The following LDLRAD4 variants were observed in gnomAD, a reference collection of about 807,000 sequenced individuals.
The protein encoded by LDLRAD4 is low density lipoprotein receptor class A domain containing 4.
In LDLRAD4, 5 loss-of-function variants were observed where a neutral mutation model predicts 17.0. The observed-to-expected ratio is 0.29, with a 90% CI of 0.15 to 0.62. LDLRAD4 has a LOEUF of 0.62. Among genes scored for constraint, LDLRAD4 ranks in the 20% least tolerant of loss-of-function variants. The pLI, the probability that LDLRAD4 is intolerant of heterozygous loss-of-function variation, is 0.84. For missense variants in LDLRAD4, 340 were observed against 424.7 expected, an observed-to-expected ratio of 0.80 and a Z score of 1.75; for synonymous variants, 168 against 171.8, an observed-to-expected ratio of 0.98 and a Z score of 0.17.
chr18:13,511,208 T>G (rs1331049764), intron 3 of LDLRAD4, among the ~76,000 whole-genome samples: 1 of 152,006 alleles, frequency 6.6e-6, no homozygotes, highest in African/African-American at 2.4e-5. Flanking sequence ...TAGATCCTGT[T>G]TCTGAAAAGG....
Position 13,549,377 on chromosome 18 carries a change from C to T in LDLRAD4, c.182-71740C>T, listed in dbSNP as rs150612904. Among the ~76,000 whole-genome samples the T allele has an allele frequency of 6.6e-5, 10 of 152,128 alleles. No individual in the cohort carries two copies. In the East Asian group the frequency reaches 1.2e-3, roughly 18 times the overall value. On this transcript the variant is annotated intron_variant, in intron 3 of 5. Transcript: ENST00000359446. The stretch of plus-strand genomic sequence containing the variant: ...GAGATTGTGCAAGGATGAGGAATCA[C>T]GCTGGATAGTGGAGCTGCCATGGTC...
chr18:13,380,580 A>G (rs918390006), intron 1 of LDLRAD4, among the ~76,000 whole-genome samples: 2 of 152,172 alleles, frequency 1.3e-5, no homozygotes, highest in Non-Finnish European at 2.9e-5. Flanking sequence ...TAGACTTACT[A>G]ATGCATTAAG....
intron 3 of LDLRAD4, among the ~76,000 whole-genome samples, chr18:13,446,360 TA>T (rs1432529711): frequency 6.6e-6 from 1 of 152,198 alleles, no homozygotes; most frequent in African/African-American, 2.4e-5. Flanking sequence ...CATCAGTTCT[TA>T]AAAGGCTTGA....
At chr18:13,466,505 T>G (rs1424031580) in intron 3 of LDLRAD4, among the ~76,000 whole-genome samples, 1 of 140,614 alleles carries the variant, frequency 7.1e-6, no homozygotes, top group East Asian at 2.1e-4. Flanking sequence ...TCAAACAATA[T>G]AATATACCAC....
At chr18:13,378,255 C>T (rs1431731470) in intron 1 of LDLRAD4, among the ~76,000 whole-genome samples, 1 of 152,174 alleles carries the variant, frequency 6.6e-6, no homozygotes, top group Non-Finnish European at 1.5e-5. Context: ...AGGCAGCCTT[C>T]CCCTGAGTTC....
rs1037456419 is a variant in LDLRAD4 at position 13,398,074 on chromosome 18, G to C, written c.40+10312G>C. Among the ~76,000 whole-genome samples, 5 of 152,214 alleles carry C rather than the reference G, an allele frequency of 3.3e-5. No homozygotes were observed. The highest frequency in any genetic ancestry group is 1.2e-4 in the African/African-American group (5 of 41,452). On this transcript the variant is annotated intron_variant, in intron 2 of 5. Coordinates refer to ENST00000359446, the Ensembl canonical transcript of LDLRAD4. The surrounding 1 kb of genome is among the most constrained non-coding windows in gnomAD (Gnocchi z 4.8). Reference sequence around the variant, plus strand: ...ACCCTCCTTGAGGACGCAGTGGCCAGTGGGGGCCACCATGTCAGGGTTGAA... The same window carrying C: ...ACCCTCCTTGAGGACGCAGTGGCCACTGGGGGCCACCATGTCAGGGTTGAA...
intron 1 of LDLRAD4, among the ~76,000 whole-genome samples, chr18:13,336,474 C>T (rs2082108290): frequency 6.6e-6 from 1 of 151,962 alleles, no homozygotes; most frequent in African/African-American, 2.4e-5. Flanking sequence ...TGTAGGAATT[C>T]TTTTTATGCA....
intron 1 of LDLRAD4, among the ~76,000 whole-genome samples, chr18:13,376,580 G>A (rs147364124): frequency 6.6e-6 from 1 of 152,164 alleles, no homozygotes; most frequent in Non-Finnish European, 1.5e-5. Flanking sequence ...CTGCGGGTGA[G>A]GGCACAGCTC....
intron 3 of LDLRAD4, among the ~76,000 whole-genome samples, chr18:13,512,734 G>A (rs2093801820): frequency 6.6e-6 from 1 of 152,168 alleles, no homozygotes; most frequent in African/African-American, 2.4e-5. Flanking sequence ...CTGCATTTAT[G>A]TTTAACTTTA....
At chr18:13,650,232 G>C (rs1601921603) in exon 6 of LDLRAD4, 2 of 403,262 alleles carry the variant, frequency 5.0e-6, no homozygotes, top group Non-Finnish European at 8.7e-6. Context: ...TTACTGCCAG[G>C]GTCAGACAGT....
chr18:13,616,410 C>A (rs2040083609), intron 3 of LDLRAD4, among the ~76,000 whole-genome samples: 1 of 152,202 alleles, frequency 6.6e-6, no homozygotes, highest in Non-Finnish European at 1.5e-5. Context: ...CTGGGCCCTG[C>A]CTGGGGAGGC....
intron 4 of LDLRAD4, among the ~76,000 whole-genome samples, chr18:13,624,871 G>A (rs577101925): frequency 6.6e-6 from 1 of 152,224 alleles, no homozygotes; most frequent in Non-Finnish European, 1.5e-5. Flanking sequence ...TGTGCTCCAG[G>A]GCAAGGCGGC....
At chr18:13,238,861 C>A (rs75610265) in intron 1 of LDLRAD4, among the ~76,000 whole-genome samples, 4,168 of 152,124 alleles carry the variant, frequency 0.027, 185 homozygotes, top group African/African-American at 0.094. Context: ...CCTGTTCCTG[C>A]CGAGGTTCTG....
chr18:13,586,963 G>T (rs1479583394), intron 3 of LDLRAD4, among the ~76,000 whole-genome samples: 1 of 152,104 alleles, frequency 6.6e-6, no homozygotes, highest in African/African-American at 2.4e-5. Context: ...AAGGGGTTGG[G>T]AGTTCCAAGT....
chr18:13,413,360 T>G lies in LDLRAD4; in HGVS notation c.41-24884T>G, dbSNP rs370932260. 9.9e-5 allele frequency among the ~76,000 whole-genome samples: 15 copies of G among 152,254 alleles called. 1 individual carries two copies. In the East Asian group the frequency reaches 2.7e-3, roughly 27 times the overall value. ...TCGTAAATTCCGGCTATTTTGTGTT[T>G]AAGCTGATAGAGAATTCTGACAAAG... On this transcript the variant is annotated intron_variant, in intron 2 of 5. Transcript: ENST00000359446.
intron 3 of LDLRAD4, among the ~76,000 whole-genome samples, chr18:13,567,920 T>C (rs974957354): frequency 2.6e-5 from 4 of 152,208 alleles, no homozygotes; most frequent in Non-Finnish European, 4.4e-5. Context: ...TGGGTGTCAC[T>C]GTTAGGAATT....
intron 2 of LDLRAD4, among the ~76,000 whole-genome samples, chr18:13,419,148 G>A (rs1176239305): frequency 6.6e-6 from 1 of 152,156 alleles, no homozygotes; most frequent in African/African-American, 2.4e-5. Context: ...ATTTTATTGG[G>A]AACATTATTT....
At chr18:13,441,482 A>C (rs1012337948) in intron 3 of LDLRAD4, among the ~76,000 whole-genome samples, 1 of 152,134 alleles carries the variant, frequency 6.6e-6, no homozygotes, top group African/African-American at 2.4e-5. Context: ...TGTGTGATCT[A>C]TGTCACCTTG....
In LDLRAD4 at chr18:13,623,048, C is replaced by T. The variant is rs527561234; in HGVS notation, c.336+1777C>T. Among the ~76,000 whole-genome samples, 135 of 152,330 alleles carry T rather than the reference C, an allele frequency of 8.9e-4. 2 individuals carry two copies. Among genetic ancestry groups the T allele is most frequent in the Non-Finnish European group, 2.2e-4 (15 of 68,030 alleles). On this transcript the variant is annotated intron_variant, in intron 4 of 5. Transcript: ENST00000359446. ...TCTGTTCCTGGTGCAGACCCAGCCC[C>T]GCTTGCTGTCCCTGTTCATAGCACC...
Sources: allele counts gnomAD v4.1 joint callset (sites outside exome capture counted in the v4.1 genomes callset), GRCh38; gene constraint gnomAD v4.1.1; non-coding constraint Gnocchi (gnomAD v3.1); transcripts MANE v1.5; gene names NCBI Gene and HGNC (gene_info 2026-07-23, HGNC 2026-07-21).